LIMCH1: variants seen among roughly 807,000 people sequenced by gnomAD.
LIMCH1 encodes LIM and calponin homology domains 1.
LIMCH1 carries 113 observed loss-of-function variants against 176.5 expected under a neutral mutation model. The observed-to-expected ratio is 0.64, with a 90% CI of 0.55 to 0.75. The LOEUF (loss-of-function observed/expected upper bound fraction) is 0.75, where lower values mean the gene tolerates loss of function less well. Among genes scored for constraint, LIMCH1 ranks in the 30% least tolerant of loss-of-function variants. The pLI, the probability that LIMCH1 is intolerant of heterozygous loss-of-function variation, is 0.00. For missense variants in LIMCH1, 1,674 were observed against 1,814.9 expected (o/e 0.92, Z 1.41); for synonymous variants, 619 against 645.9 (o/e 0.96, Z 0.63).
intron 13 of LIMCH1, among the ~76,000 whole-genome samples, chr4:41,637,816 G>C (rs144796383): frequency 6.6e-6 from 1 of 152,274 alleles, no homozygotes; most frequent in East Asian, 1.9e-4. Flanking sequence ...ATTCTGGGGT[G>C]TTTTCTCTAA....
intron 9 of LIMCH1, 80 bp from the exon 10 acceptor site, chr4:41,631,068 T>A: frequency 7.8e-7 from 1 of 1,274,306 alleles, no homozygotes; most frequent in Non-Finnish European, 1.0e-6. Flanking sequence ...ACTTCTAGTT[T>A]TTTTTTTTGT....
intron 2 of LIMCH1, among the ~76,000 whole-genome samples, chr4:41,515,192 G>A (rs2075422874): frequency 6.6e-6 from 1 of 152,228 alleles, no homozygotes; most frequent in Non-Finnish European, 1.5e-5. Flanking sequence ...TTGGCAGAAA[G>A]CAGGGCTGGA....
chr4:41,565,384 T>TACACAC lies in LIMCH1; in HGVS notation c.-241+27042_-241+27047dup, dbSNP rs897890089. Reference sequence around the variant, plus strand: ...ACACACACACACACACACACACACATACACACACACACAGACACACACACA... The same window carrying TACACAC: ...ACACACACACACACACACACACACATACACACACACACACACACAGACACACACACA... On this transcript the variant is annotated intron_variant, in intron 1 of 31. Coordinates refer to ENST00000503057, the MANE Select transcript of LIMCH1 (RefSeq NM_001330672.2). 3.1e-3 allele frequency among the ~76,000 whole-genome samples: 310 copies of TACACAC among 100,292 alleles called. 3 individuals are homozygous for TACACAC. Among genetic ancestry groups the TACACAC allele is most frequent in the African/African-American group, 0.015 (296 of 19,992 alleles). 65.8% of individuals were successfully genotyped at this position (100,292 alleles called of 152,430 possible).
intron 1 of LIMCH1, among the ~76,000 whole-genome samples, chr4:41,547,704 A>G (rs2152499788): frequency 6.8e-6 from 1 of 146,366 alleles, no homozygotes; most frequent in South Asian, 2.1e-4. Context: ...ATACATATAT[A>G]ATAGTATACA....
At chr4:41,428,648 C>T (rs1156457228) in intron 1 of LIMCH1, among the ~76,000 whole-genome samples, 1 of 152,184 alleles carries the variant, frequency 6.6e-6, no homozygotes, top group Admixed American at 6.5e-5. Context: ...ACTTGGCTGG[C>T]TCGATATTCT....
chr4:41,656,373 G>C (rs1281144148), intron 18 of LIMCH1, among the ~76,000 whole-genome samples: 2 of 152,112 alleles, frequency 1.3e-5, no homozygotes, highest in East Asian at 3.8e-4. Flanking sequence ...AGAAGTAGTT[G>C]TAAGATTGCT....
At chr4:41,605,430 T>C (rs2090559903) in intron 3 of LIMCH1, among the ~76,000 whole-genome samples, 1 of 152,214 alleles carries the variant, frequency 6.6e-6, no homozygotes, top group African/African-American at 2.4e-5. Flanking sequence ...ATTTTATTTT[T>C]TTTCTGCCAT....
At chr4:41,627,690 A>T (rs1444597584) in intron 8 of LIMCH1, among the ~76,000 whole-genome samples, 2 of 152,206 alleles carry the variant, frequency 1.3e-5, no homozygotes, top group African/African-American at 4.8e-5. Context: ...TTATAGTAAG[A>T]TGGAATTTGA....
chr4:41,503,247 G>A (rs981264022), intron 2 of LIMCH1, among the ~76,000 whole-genome samples: 1 of 152,130 alleles, frequency 6.6e-6, no homozygotes, highest in Non-Finnish European at 1.5e-5. Flanking sequence ...TGGGCCTGGT[G>A]CTCATCTCGG....
At chr4:41,659,893 G>A (rs1303456214) in intron 18 of LIMCH1, among the ~76,000 whole-genome samples, 1 of 151,868 alleles carries the variant, frequency 6.6e-6, no homozygotes, top group Non-Finnish European at 1.5e-5. Flanking sequence ...AGAGTCAATT[G>A]GCTCCCAGTG....
chr4:41,614,744 A>G (rs1452394451), intron 5 of LIMCH1, among the ~76,000 whole-genome samples: 1 of 152,210 alleles, frequency 6.6e-6, no homozygotes, highest in African/African-American at 2.4e-5. Flanking sequence ...GCTGTGAGAC[A>G]CTGCTTATCC....
At chr4:41,606,044 A>C (rs554102954) in intron 4 of LIMCH1, 40 bp downstream of exon 4, 1 of 1,376,088 alleles carries the variant, frequency 7.3e-7, no homozygotes, top group East Asian at 2.3e-5. Context: ...AGCGTTAGAC[A>C]AGGTGGGAAA....
At chr4:41,571,446 C>G (rs1422966897) in intron 1 of LIMCH1, among the ~76,000 whole-genome samples, 1 of 151,994 alleles carries the variant, frequency 6.6e-6, no homozygotes, top group Non-Finnish European at 1.5e-5. Context: ...CTCAGGGCAG[C>G]AGCAGGCAAG....
intron 1 of LIMCH1, among the ~76,000 whole-genome samples, chr4:41,452,055 G>C (rs894078203): frequency 3.9e-5 from 6 of 152,092 alleles, no homozygotes; most frequent in African/African-American, 1.4e-4. Context: ...TCCCCGCTTG[G>C]CTCTTCCCCT....
chr4:41,468,205 G>A (rs1240532133), intron 1 of LIMCH1, among the ~76,000 whole-genome samples: 14 of 151,234 alleles, frequency 9.3e-5, no homozygotes, highest in South Asian at 6.3e-4. Context: ...TCAACTGGCC[G>A]GCCTGCCTTT....
At chr4:41,671,075 A>G (rs1197154067) in intron 21 of LIMCH1, 1 of 724,370 alleles carries the variant, frequency 1.4e-6, no homozygotes, top group Non-Finnish European at 1.7e-6. Flanking sequence ...AAAAAAAAAG[A>G]TTAAAAGCAT....
intron 1 of LIMCH1, among the ~76,000 whole-genome samples, chr4:41,551,592 A>C (rs368828924): frequency 9.2e-5 from 14 of 152,252 alleles, no homozygotes; most frequent in African/African-American, 2.6e-4. Flanking sequence ...GCAGGCCAAA[A>C]CCAGCCTGCT....
intron 1 of LIMCH1, among the ~76,000 whole-genome samples, chr4:41,439,310 C>T (rs2062442311): frequency 6.6e-6 from 1 of 152,174 alleles, no homozygotes; most frequent in Non-Finnish European, 1.5e-5. Flanking sequence ...GGAGGGCAGG[C>T]CAGCGCCGTG....
At chr4:41,478,194 A>G (rs1476420889) in intron 1 of LIMCH1, among the ~76,000 whole-genome samples, 1 of 152,234 alleles carries the variant, frequency 6.6e-6, no homozygotes, top group Admixed American at 6.5e-5. Context: ...TACATAGCTT[A>G]GCTAATTATT....
Sources: gnomAD v4.1 joint callset for allele counts (sites outside exome capture counted in the v4.1 genomes callset) on GRCh38, gnomAD v4.1.1 for gene constraint, MANE v1.5 for transcripts, NCBI Gene and HGNC (gene_info 2026-07-23, HGNC 2026-07-21) for gene names.